Variants in ADAMTS9 observed in about 807,000 individuals in gnomAD.
The protein encoded by ADAMTS9 is A disintegrin and metalloproteinase with thrombospondin motifs 9.
ADAMTS9 carries 107 observed loss-of-function variants against 257.1 expected under a neutral mutation model. That is an observed-to-expected ratio of 0.42 (90% confidence interval 0.36 to 0.49). The LOEUF is 0.49. Among genes scored for constraint, ADAMTS9 ranks in the 20% least tolerant of loss-of-function variants. The probability of loss-of-function intolerance (pLI) is 0.03; values close to 1 mark genes in which losing one functional copy is unlikely to be tolerated. For synonymous variants in ADAMTS9, 982 were observed against 880.9 expected (o/e 1.11, Z -2.03); for missense variants, 2,353 against 2,469.1 (o/e 0.95, Z 1.00).
chr3:64,643,960 G>A (rs1247120771), intron 11 of ADAMTS9, among the ~76,000 whole-genome samples: 1 of 152,122 alleles, frequency 6.6e-6, no homozygotes, highest in Admixed American at 6.5e-5. Flanking sequence ...ACTGGGACTG[G>A]TAACTCTTTT....
intron 21 of ADAMTS9, among the ~76,000 whole-genome samples, chr3:64,614,137 CT>C (rs2084717307): frequency 1.3e-5 from 2 of 152,140 alleles, no homozygotes; most frequent in African/African-American, 2.4e-5. Context: ...TTTTAAGCAA[CT>C]TTGGATTATA....
intron 38 of ADAMTS9, among the ~76,000 whole-genome samples, chr3:64,525,941 TAATATAATA>T (rs1431143543): frequency 1.4e-5 from 2 of 147,262 alleles, no homozygotes; most frequent in Non-Finnish European, 3.0e-5. Context: ...CAATATAATA[TAATATAATA>T]AACATTTATA....
At chr3:64,542,920 A>AG (rs1313619688) in intron 32 of ADAMTS9, among the ~76,000 whole-genome samples, 3 of 152,036 alleles carry the variant, frequency 2.0e-5, no homozygotes, top group African/African-American at 7.3e-5. Flanking sequence ...ACAATAAAAA[A>AG]TGATAAAGGG....
At chr3:64,525,361 C>G (rs2106876749) in intron 38 of ADAMTS9, among the ~76,000 whole-genome samples, 1 of 152,228 alleles carries the variant, frequency 6.6e-6, no homozygotes, top group East Asian at 1.9e-4. Context: ...CATAATTCCA[C>G]CCCTCCACCC....
intron 22 of ADAMTS9, 74 bp from the exon 23 acceptor site, chr3:64,607,153 T>C: frequency 3.2e-5 from 51 of 1,576,014 alleles, no homozygotes; most frequent in Non-Finnish European, 4.3e-5. Flanking sequence ...CATAACATTC[T>C]GCAAGAGAGA....
At chr3:64,654,634 G>A (rs1485449085) in intron 6 of ADAMTS9, 22 bp from the exon 7 acceptor site, 1 of 1,613,542 alleles carries the variant, frequency 6.2e-7, no homozygotes, top group Non-Finnish European at 8.5e-7. Context: ...GCAGACTTAG[G>A]CCTTGATGAC....
At chr3:64,561,126 G>A (rs543878961) in intron 30 of ADAMTS9, among the ~76,000 whole-genome samples, 1 of 149,430 alleles carries the variant, frequency 6.7e-6, no homozygotes, top group East Asian at 2.0e-4. Flanking sequence ...TCACATGAAT[G>A]CCTATCTTCT....
Position 64,546,800 on chromosome 3 carries a change from G to C in ADAMTS9, c.5022C>G (p.Asp1674Glu), listed in dbSNP as rs6787633. 0.033 allele frequency: 52,839 copies of C among 1,612,896 alleles called. 6,917 individuals are homozygous for C. In the Admixed American group the frequency reaches 0.37, roughly 11 times the overall value. ...PPSVHPCYLR[D>E]CPVSATWRVG... ...CTCTCCAGGTGGCCGAGACAGGGCA[G>C]TCCCTCAGGTAACAGGGGTGAACAC... The change falls in exon 32 of 40, where the codon GAC (aspartate) becomes GAG (glutamate). Residue 1674 changes from aspartate (D) to glutamate (E), a missense_variant. By Grantham distance (45) the Asp-to-Glu change is conservative. Around this residue, in one of 3 missense-constraint regions of ADAMTS9, gnomAD observed 1,402 missense variants for 1,441.4 expected, o/e 0.97. Coordinates refer to ENST00000498707, the MANE Select transcript of ADAMTS9 (RefSeq NM_182920.2).
chr3:64,562,195 G>A (rs2083439509), intron 29 of ADAMTS9, among the ~76,000 whole-genome samples: 1 of 152,254 alleles, frequency 6.6e-6, no homozygotes. Context: ...CCAAGGAGAA[G>A]TAAACCACTG....
intron 28 of ADAMTS9, chr3:64,586,634 G>C (rs893158235): frequency 6.6e-6 from 1 of 152,170 alleles, no homozygotes; most frequent in Non-Finnish European, 1.5e-5. Context: ...TGCAGTCAAT[G>C]TTGTTGCATA....
intron 37 of ADAMTS9, among the ~76,000 whole-genome samples, chr3:64,537,609 G>C (rs1052331384): frequency 6.6e-6 from 1 of 152,222 alleles, no homozygotes; most frequent in African/African-American, 2.4e-5. Flanking sequence ...ACAACGTTCA[G>C]ATGTGTTTGT....
At position 64,522,164 on chromosome 3, in the gene ADAMTS9, A is replaced by G; in HGVS notation, c.*5+2T>C. ...CAGACAGACAGACATAGGACTACTT[A>G]CCTTAGCTATAAAACTCGCACCTCC... On this transcript the variant is annotated splice_donor_variant, in intron 39 of 39. Coordinates refer to ENST00000498707, the MANE Select transcript of ADAMTS9 (RefSeq NM_182920.2). LOFTEE classifies it low-confidence loss of function (3UTR_SPLICE). 6.2e-7 allele frequency: 1 copy of G among 1,613,134 alleles called. No individual in the cohort carries two copies. The highest frequency in any genetic ancestry group is 1.1e-5 in the South Asian group (1 of 91,060).
At chr3:64,679,418 T>C (rs946316184) in intron 3 of ADAMTS9, among the ~76,000 whole-genome samples, 3 of 152,196 alleles carry the variant, frequency 2.0e-5, no homozygotes, top group Non-Finnish European at 4.4e-5. Flanking sequence ...TCTCAGCTCC[T>C]TTTCCAGGTA....
rs1190867131 is a variant in ADAMTS9 at position 64,541,887 on chromosome 3, G to A, written c.5148C>T (p.His1716=). 4 of 1,614,060 alleles carry A rather than the reference G, an allele frequency of 2.5e-6. No homozygotes were observed. Among genetic ancestry groups the A allele is most frequent in the Admixed American group, 1.7e-5 (1 of 60,006 alleles). ...TNEDQPSHLC[H]TDLKPEERKT... ...TTCGTTCTTCTGGCTTCAGATCAGT[G>A]TGGCATAAGTGGCTGGGTTGGTCCT... Residue 1716 remains histidine, a synonymous_variant, in exon 33 of 40, where the codon CAC becomes CAT. Transcript: ENST00000498707.
chr3:64,594,516 A>G (rs2084325635), intron 27 of ADAMTS9, 82 bp from the exon 28 acceptor site: 5 of 1,537,866 alleles, frequency 3.3e-6, no homozygotes, highest in Non-Finnish European at 4.4e-6. Flanking sequence ...TTTCTTAGCC[A>G]AACTCAATTA....
intron 28 of ADAMTS9, chr3:64,589,691 A>C (rs892386513): frequency 2.0e-5 from 3 of 152,178 alleles, no homozygotes; most frequent in Admixed American, 2.0e-4. Context: ...ACCCATGAAT[A>C]CCATAATAAC....
chr3:64,640,424 C>T (rs1700608689), intron 12 of ADAMTS9, among the ~76,000 whole-genome samples: 1 of 152,180 alleles, frequency 6.6e-6, no homozygotes, highest in Non-Finnish European at 1.5e-5. Context: ...GAGTAGTGCC[C>T]TGCACTTGGT....
At chr3:64,537,054 T>C (rs1201658532) in intron 37 of ADAMTS9, among the ~76,000 whole-genome samples, 1 of 152,222 alleles carries the variant, frequency 6.6e-6, no homozygotes, top group African/African-American at 2.4e-5. Context: ...GGAAAACTGA[T>C]TTGAAAAACT....
intron 26 of ADAMTS9, among the ~76,000 whole-genome samples, chr3:64,599,955 C>G (rs142931567): frequency 2.0e-4 from 31 of 152,156 alleles, no homozygotes; most frequent in African/African-American, 6.7e-4. Flanking sequence ...TTGCCAGCCC[C>G]TGAGACAGAG....
Sources: gnomAD v4.1 joint callset for allele counts (sites outside exome capture counted in the v4.1 genomes callset) on GRCh38, gnomAD v4.1.1 for gene constraint, gnomAD v4.1.1 regional missense constraint, MANE v1.5 for transcripts, NCBI Gene and HGNC (gene_info 2026-07-23, HGNC 2026-07-21) for gene names.